The following TFEC variants were observed in gnomAD, a reference collection of about 807,000 sequenced individuals.
TFEC encodes transcription factor EC.
Under a neutral mutation model 41.6 loss-of-function variants are expected in TFEC, and 31 were observed. The ratio of observed to expected loss-of-function variants is 0.74; its 90% CI spans 0.56 to 1.01. TFEC has a LOEUF of 1.01. Among genes scored for constraint, TFEC ranks in the 50% least tolerant of loss-of-function variants. The pLI is 0.00. For missense variants in TFEC, 402 were observed against 404.1 expected (o/e 0.99, Z 0.04); for synonymous variants, 143 against 140.6 (o/e 1.02, Z -0.12).
At chr7:116,113,890 G>A (rs755452174) in intron 1 of TFEC, among the ~76,000 whole-genome samples, 2 of 151,846 alleles carry the variant, frequency 1.3e-5, no homozygotes, top group Non-Finnish European at 2.9e-5. Context: ...CACAAGTTTT[G>A]GAAAGTCACC....
intron 3 of TFEC, among the ~76,000 whole-genome samples, chr7:116,106,170 A>G (rs1797712616): frequency 6.6e-6 from 1 of 152,158 alleles, no homozygotes; most frequent in South Asian, 2.1e-4. Flanking sequence ...CTCTTATTTT[A>G]AATACTCTAA....
intron 3 of TFEC, among the ~76,000 whole-genome samples, chr7:116,090,334 T>C (rs545854831): frequency 2.0e-5 from 3 of 152,236 alleles, no homozygotes; most frequent in South Asian, 4.2e-4. Context: ...TAGGGGGCAT[T>C]TGGACCTGAG....
chr7:116,066,308 C>T (rs1048454202), intron 3 of TFEC, among the ~76,000 whole-genome samples: 7 of 152,056 alleles, frequency 4.6e-5, no homozygotes, highest in African/African-American at 1.7e-4. Flanking sequence ...TTGGTAGCTG[C>T]ATTTCTGATT....
chr7:115,992,175 C>A lies in TFEC; in HGVS notation c.-72-7662G>T, dbSNP rs1019467880. On this transcript the variant is annotated intron_variant, in intron 1 of 7. Coordinates refer to ENST00000265440, the MANE Select transcript of TFEC (RefSeq NM_012252.4). ...GAAACCAATGAGAACAAAGACACAA[C>A]ATACCAGAATCTCTGGGACACATTT... Among the ~76,000 whole-genome samples the A allele has an allele frequency of 1.3e-3, 193 of 152,258 alleles. 1 individual carries two copies. The highest frequency in any genetic ancestry group is 4.1e-3 in the Admixed American group (62 of 15,284).
chr7:116,059,107 A>G (rs1319343433), intron 3 of TFEC, among the ~76,000 whole-genome samples: 1 of 151,820 alleles, frequency 6.6e-6, no homozygotes, highest in Non-Finnish European at 1.5e-5. Context: ...AATCAATAAC[A>G]TCGACACTCT....
rs550923874 is a variant in TFEC, at chr7:116,050,640, A to G, written c.198+60068T>C. ...TAGAATGGCAATCATTAAAAAGTCA[A>G]GAAACAACAGGTGCTGGAGAGGATG... On this transcript the variant is annotated intron_variant, in intron 3 of 8. Transcript: ENST00000484212. 2.0e-4 allele frequency among the ~76,000 whole-genome samples: 31 copies of G among 152,268 alleles called. 1 individual carries two copies. Among genetic ancestry groups the G allele is most frequent in the African/African-American group, 6.5e-4 (27 of 41,558 alleles).
At chr7:115,981,344 T>C (rs1395990958) in intron 2 of TFEC, among the ~76,000 whole-genome samples, 1 of 152,180 alleles carries the variant, frequency 6.6e-6, no homozygotes, top group Admixed American at 6.5e-5. Flanking sequence ...TGAAAAAATT[T>C]ATCTTCTGAG....
At chr7:116,071,282 T>C (rs924183383) in intron 3 of TFEC, among the ~76,000 whole-genome samples, 6 of 150,904 alleles carry the variant, frequency 4.0e-5, no homozygotes, top group African/African-American at 1.5e-4. Context: ...CATAATGATA[T>C]TCCATGTATC....
chr7:116,142,994 C>T (rs1798571458), intron 1 of TFEC, among the ~76,000 whole-genome samples: 2 of 152,196 alleles, frequency 1.3e-5, no homozygotes, highest in South Asian at 4.1e-4. Context: ...CTGCATTTCC[C>T]AGCCTCCCTT....
chr7:116,040,704 T>G (rs1391108866), intron 3 of TFEC, among the ~76,000 whole-genome samples: 2 of 152,166 alleles, frequency 1.3e-5, no homozygotes, highest in East Asian at 3.8e-4. Context: ...ACGCCTAGCT[T>G]CTAACATCAT....
At chr7:116,134,592 T>G (rs995185005) in intron 1 of TFEC, among the ~76,000 whole-genome samples, 2 of 152,198 alleles carry the variant, frequency 1.3e-5, no homozygotes, top group African/African-American at 4.8e-5. Flanking sequence ...TTTGAATCAT[T>G]TATTTTGAAG....
At chr7:116,111,783 T>C (rs933495632) in intron 2 of TFEC, among the ~76,000 whole-genome samples, 6 of 152,036 alleles carry the variant, frequency 3.9e-5, no homozygotes, top group African/African-American at 1.4e-4. Flanking sequence ...AACACTAATG[T>C]GAAGTAACTG....
chr7:116,062,225 C>CTTTTTTTTTTTTTTTTTTTTTTT (rs569480964), intron 3 of TFEC, among the ~76,000 whole-genome samples: 3 of 51,912 alleles, frequency 5.8e-5, no homozygotes, highest in African/African-American at 2.2e-4. Context: ...CATGCCTGGC[C>CTTTTTTTTTTTTTTTTTTTTTTT]TTTTTTTTTT....
chr7:116,140,514 A>G (rs1410395986), intron 1 of TFEC, among the ~76,000 whole-genome samples: 1 of 152,224 alleles, frequency 6.6e-6, no homozygotes, highest in Non-Finnish European at 1.5e-5. Context: ...TGCTGACAAG[A>G]ACTTTTATAT....
chr7:115,954,480 G>T, intron 5 of TFEC, 106 bp downstream of exon 5: 3 of 712,078 alleles, frequency 4.2e-6, no homozygotes, highest in Non-Finnish European at 6.6e-6. Flanking sequence ...AATTAATTTT[G>T]GCCATCTGAC....
chr7:115,955,076 T>C (rs781285157), intron 4 of TFEC, among the ~76,000 whole-genome samples: 113 of 152,182 alleles, frequency 7.4e-4, no homozygotes, highest in South Asian at 1.5e-3. Flanking sequence ...TTATTAGTAA[T>C]TATTATTTCT....
intron 1 of TFEC, among the ~76,000 whole-genome samples, chr7:115,987,006 G>T (rs1042731084): frequency 1.3e-5 from 2 of 152,256 alleles, no homozygotes; most frequent in African/African-American, 4.8e-5. Flanking sequence ...TGTTACTCAT[G>T]CAAAAGAAGT....
At chr7:115,984,124 GA>G (rs1793744660) in intron 2 of TFEC, 137 bp downstream of exon 2, 1 of 1,092,910 alleles carries the variant, frequency 9.1e-7, no homozygotes, top group Non-Finnish European at 1.3e-6. Flanking sequence ...AATAAATAGA[GA>G]ATAATTAATT....
intron 1 of TFEC, among the ~76,000 whole-genome samples, chr7:116,007,603 G>A (rs1051782957): frequency 1.6e-4 from 25 of 152,082 alleles, no homozygotes; most frequent in Non-Finnish European, 2.8e-4. Flanking sequence ...AGTGTTCTAC[G>A]CTGTAGTCTT....
Sources: gnomAD v4.1 joint callset for allele counts (sites outside exome capture counted in the v4.1 genomes callset) on GRCh38, gnomAD v4.1.1 for gene constraint, MANE v1.5 for transcripts, NCBI Gene and HGNC (gene_info 2026-07-23, HGNC 2026-07-21) for gene names.